PACRG: variants seen among roughly 807,000 people sequenced by gnomAD.
PACRG encodes the protein parkin coregulated gene protein.
PACRG carries 29 observed loss-of-function variants against 29.7 expected under a neutral mutation model. The ratio of observed to expected loss-of-function variants is 0.98; its 90% confidence interval spans 0.73 to 1.33. The LOEUF (loss-of-function observed/expected upper bound fraction) is 1.33, where lower values mean the gene tolerates loss of function less well. Among genes scored for constraint, PACRG ranks in the 40% most tolerant of loss-of-function variants. PACRG has a pLI of 0.00. For synonymous variants in PACRG, 116 were observed against 118.7 expected (o/e 0.98, Z 0.15); for missense variants, 279 against 316.2 (o/e 0.88, Z 0.89).
chr6:162,898,193 A>G (rs371438332), intron 2 of PACRG, among the ~76,000 whole-genome samples: 2 of 152,174 alleles, frequency 1.3e-5, no homozygotes, highest in East Asian at 1.9e-4. Context: ...AGCCGCGAGC[A>G]CAGTGTGGAG....
At chr6:162,793,412 A>G (rs946497018) in intron 1 of PACRG, among the ~76,000 whole-genome samples, 3 of 152,176 alleles carry the variant, frequency 2.0e-5, no homozygotes, top group African/African-American at 4.8e-5. Context: ...GAATGATCTC[A>G]TATAACAAAG....
intron 2 of PACRG, among the ~76,000 whole-genome samples, chr6:162,995,032 T>A (rs1803848133): frequency 6.6e-6 from 1 of 150,920 alleles, no homozygotes; most frequent in Non-Finnish European, 1.5e-5. Context: ...TGCTGGGGGG[T>A]GCCTCCCAGT....
intron 2 of PACRG, among the ~76,000 whole-genome samples, chr6:162,873,078 C>T (rs971340321): frequency 2.0e-5 from 3 of 152,142 alleles, no homozygotes; most frequent in East Asian, 1.9e-4. Context: ...CAGAGATGAA[C>T]GCTTAGCTTG....
intron 1 of PACRG, among the ~76,000 whole-genome samples, chr6:162,796,097 A>T (rs1584385122): frequency 6.6e-6 from 1 of 152,262 alleles, no homozygotes; most frequent in East Asian, 1.9e-4. Context: ...AGTGCCTCCA[A>T]TAAGAATATT....
intron 2 of PACRG, among the ~76,000 whole-genome samples, chr6:163,054,686 C>T (rs1810381369): frequency 6.6e-6 from 1 of 152,120 alleles, no homozygotes; most frequent in Admixed American, 6.5e-5. Flanking sequence ...CAGGGACTCT[C>T]GCTAAGCCAG....
At chr6:163,203,564 C>T (rs1780789064) in intron 4 of PACRG, among the ~76,000 whole-genome samples, 1 of 152,226 alleles carries the variant, frequency 6.6e-6, no homozygotes, top group Non-Finnish European at 1.5e-5. Flanking sequence ...GAGTTTTCCT[C>T]GTTCAGCTCA....
chr6:163,287,796 C>T (rs984900314), intron 4 of PACRG, among the ~76,000 whole-genome samples: 5 of 152,090 alleles, frequency 3.3e-5, no homozygotes, highest in African/African-American at 7.2e-5. Context: ...CTGAGTGTGG[C>T]GTGCGCAGTT....
Position 163,057,390 on chromosome 6 carries a change from G to A in PACRG, c.292-4760G>A, listed in dbSNP as rs117389008. Among the ~76,000 whole-genome samples, 268 of 152,228 alleles carry A rather than the reference G, an allele frequency of 1.8e-3. 5 individuals carry two copies. In the East Asian group the frequency reaches 0.029, roughly 17 times the overall value. On this transcript the variant is annotated intron_variant, in intron 2 of 4. Coordinates refer to ENST00000366888, the MANE Select transcript of PACRG (RefSeq NM_001080379.2). ...TGGCCTGGTTATTTGCATAAAATAT[G>A]GCAAGAATAGTGATCAGCCTGAGCT...
At chr6:162,754,166 A>G (rs1781722083) in intron 1 of PACRG, among the ~76,000 whole-genome samples, 1 of 152,096 alleles carries the variant, frequency 6.6e-6, no homozygotes, top group Non-Finnish European at 1.5e-5. Flanking sequence ...TCATTTTTTG[A>G]TACAAGCCAT....
intron 2 of PACRG, among the ~76,000 whole-genome samples, chr6:163,026,605 T>A (rs1455245670): frequency 2.0e-5 from 3 of 152,184 alleles, no homozygotes; most frequent in African/African-American, 7.2e-5. Context: ...TCCGCTAAGG[T>A]CACCTCCCAG....
intron 4 of PACRG, among the ~76,000 whole-genome samples, chr6:163,131,199 T>C (rs1189205868): frequency 6.6e-6 from 1 of 151,662 alleles, no homozygotes; most frequent in Non-Finnish European, 1.5e-5. Flanking sequence ...TCCCAGCTAC[T>C]CGGGAGGCTG....
At chr6:163,277,001 T>C (rs1321559446) in intron 4 of PACRG, among the ~76,000 whole-genome samples, 1 of 152,254 alleles carries the variant, frequency 6.6e-6, no homozygotes, top group Non-Finnish European at 1.5e-5. Context: ...TCTGTTTCAG[T>C]GTATTCGCTG....
chr6:163,138,410 G>A (rs751760823), intron 4 of PACRG, among the ~76,000 whole-genome samples: 8 of 152,202 alleles, frequency 5.3e-5, no homozygotes, highest in Non-Finnish European at 1.0e-4. Context: ...AACTCGAGAA[G>A]AGGCAGTCCC....
At chr6:162,892,624 G>A (rs919129298) in intron 2 of PACRG, among the ~76,000 whole-genome samples, 1 of 152,082 alleles carries the variant, frequency 6.6e-6, no homozygotes, top group Non-Finnish European at 1.5e-5. Context: ...CATTGCCATG[G>A]ACTGAGATAG....
intron 4 of PACRG, among the ~76,000 whole-genome samples, chr6:163,166,668 C>A (rs974739513): frequency 2.6e-5 from 4 of 152,182 alleles, no homozygotes; most frequent in Non-Finnish European, 5.9e-5. Context: ...CATATCTTCC[C>A]AAAGCATGAC....
intron 2 of PACRG, among the ~76,000 whole-genome samples, chr6:162,845,381 AT>A (rs199737953): frequency 0.016 from 2,365 of 149,716 alleles, 60 homozygotes; most frequent in African/African-American, 0.052. Context: ...AGTATCATCA[AT>A]TTTTTTTTCT....
intron 4 of PACRG, among the ~76,000 whole-genome samples, chr6:163,153,913 A>C (rs1778208505): frequency 6.6e-6 from 1 of 152,226 alleles, no homozygotes; most frequent in Non-Finnish European, 1.5e-5. Context: ...TGGGGTGAAC[A>C]GTCTGGAAAG....
intron 4 of PACRG, among the ~76,000 whole-genome samples, chr6:163,214,362 C>A (rs959585187): frequency 2.0e-5 from 3 of 152,042 alleles, no homozygotes; most frequent in Admixed American, 2.0e-4. Context: ...TATTCTCACA[C>A]GTTTATTTTT....
At chr6:162,899,326 G>T (rs1482924267) in intron 2 of PACRG, among the ~76,000 whole-genome samples, 1 of 152,140 alleles carries the variant, frequency 6.6e-6, no homozygotes, top group African/African-American at 2.4e-5. Flanking sequence ...GATGAGGCTT[G>T]GTAACAACCA....
Sources: allele counts gnomAD v4.1 joint callset (sites outside exome capture counted in the v4.1 genomes callset), GRCh38; gene constraint gnomAD v4.1.1; transcripts MANE v1.5; gene names NCBI Gene and HGNC (gene_info 2026-07-23, HGNC 2026-07-21).